The following OR5M1 variants were observed in gnomAD, a reference collection of about 807,000 sequenced individuals.
OR5M1 encodes olfactory receptor 5M1.
For synonymous variants in OR5M1, 165 were observed against 144.2 expected, an observed-to-expected ratio of 1.14 and a Z score of -1.04; for missense variants, 367 against 379.5, an observed-to-expected ratio of 0.97 and a Z score of 0.27.
At chr11:56,614,166 C>T (rs1565024419) in intron 1 of OR5M1, among the ~76,000 whole-genome samples, 1 of 152,148 alleles carries the variant, frequency 6.6e-6, no homozygotes, top group Non-Finnish European at 1.5e-5. Flanking sequence ...CTCATGTATA[C>T]TGTATAGCTT....
chr11:56,614,816 C>CACACACAA (rs1434017072), intron 1 of OR5M1, 41 bp downstream of exon 1: 1 of 145,406 alleles, frequency 6.9e-6, no homozygotes, highest in Non-Finnish European at 1.5e-5. Context: ...CACACACACA[C>CACACACAA]AAATTGTATT....
Position 56,612,924 on chromosome 11 carries a change from A to T in OR5M1, c.579T>A (p.Arg193=). The T allele has an allele frequency of 6.2e-7, 1 of 1,613,746 alleles. No individual in the cohort carries two copies. The highest frequency in any genetic ancestry group is 8.5e-7 in the Non-Finnish European group (1 of 1,179,750). Residue 193 remains arginine, a synonymous_variant, in exon 2 of 2, where the codon CGT becomes CGA. Coordinates refer to ENST00000641076, the MANE Select transcript of OR5M1 (RefSeq NM_001004740.2). ...PLIMLACSDT[R]VKKMAMFVVA... Reference sequence around the variant, plus strand: ...CTACAAACATTGCCATCTTTTTGACACGGGTGTCAGAGCAGGCCAGCATGA... The same window carrying T: ...CTACAAACATTGCCATCTTTTTGACTCGGGTGTCAGAGCAGGCCAGCATGA...
At position 56,612,633 on chromosome 11, in the gene OR5M1, A is replaced by G; in HGVS notation, c.870T>C (p.Tyr290=). ...GGATTACATCTGTGTTCCGTAGGCT[A>G]TAGATCAATGGGTTCAGCATTGGGC... ...FLSPMLNPLI[Y]SLRNTDVILA... Residue 290 remains tyrosine (Y), a synonymous_variant, in exon 2 of 2, where the codon TAT becomes TAC. Transcript: ENST00000641076. The G allele has an allele frequency of 6.2e-7, 1 of 1,613,580 alleles. No individual in the cohort carries two copies. The highest frequency in any genetic ancestry group is 8.5e-7 in the Non-Finnish European group (1 of 1,179,660).
intron 1 of OR5M1, 129 bp from the exon 2 acceptor site, chr11:56,613,648 C>T (rs915154645): frequency 1.5e-5 from 11 of 743,356 alleles, no homozygotes; most frequent in African/African-American, 5.4e-5. Flanking sequence ...ATAATCACAT[C>T]GGAAATTTTA....
Position 56,612,864 on chromosome 11 carries a change from G to C in OR5M1, c.639C>G (p.Ile213Met). The C allele has an allele frequency of 6.2e-7, 1 of 1,613,758 alleles. No individual in the cohort carries two copies. ...AAATGAAAAGATAGGACAGAAGAAT[G>C]ATGAAGAGAGAGCTTGAGAGATTAA... ...AGFNLSSSLF[I>M]ILLSYLFIFA... The change falls in exon 2 of 2, where the codon ATC becomes ATG. Residue 213 changes from isoleucine to methionine, a missense_variant. Coordinates refer to ENST00000641076, the MANE Select transcript of OR5M1 (RefSeq NM_001004740.2).
In OR5M1 at chr11:56,612,883, A is replaced by G; in HGVS notation, c.620T>C (p.Leu207Pro). The change falls in exon 2 of 2, where the codon CTC becomes CCC. Residue 207 changes from leucine (L) to proline (P), a missense_variant. Transcript: ENST00000641076. ...AAGAATGATGAAGAGAGAGCTTGAGAGATTAAAGCCTGCAACTACAAACAT... is the reference window on the plus strand; with the variant it reads ...AAGAATGATGAAGAGAGAGCTTGAGGGATTAAAGCCTGCAACTACAAACAT... ...MAMFVVAGFN[L>P]SSSLFIILLS... 1 of 1,613,758 alleles carries G rather than the reference A, an allele frequency of 6.2e-7. No homozygotes were observed. Among genetic ancestry groups the G allele is most frequent in the Non-Finnish European group, 8.5e-7 (1 of 1,179,740 alleles).
At position 56,612,088 on chromosome 11, in the gene OR5M1, A is replaced by G. The variant is rs1853686197; in HGVS notation, c.*467T>C. 6.6e-6 allele frequency: 1 copy of G among 152,432 alleles called. No homozygotes were observed. The highest frequency in any genetic ancestry group is 1.5e-5 in the Non-Finnish European group (1 of 68,254). The allele number at this position is 152,432 out of a possible 1,614,324, so 9.4% of individuals were successfully genotyped here. A position where few individuals can be genotyped will look rare whatever the true frequency, so the allele number is the denominator to read the frequency against. On this transcript the variant is annotated 3_prime_UTR_variant, in exon 2 of 2. Transcript: ENST00000641076. ...TATTTATATTTTTTGCACATTGATT[A>G]CAATAAGCACAAAGGTAGCTGAGCT...
Position 56,610,452 on chromosome 11 carries a change from G to A in OR5M1, c.*2103C>T, listed in dbSNP as rs1371838564. On this transcript the variant is annotated 3_prime_UTR_variant, in exon 2 of 2. Coordinates refer to ENST00000641076, the MANE Select transcript of OR5M1 (RefSeq NM_001004740.2). ...CCACCAAGCATTTGCAGTGTTTTGA[G>A]AATTTCTTTAATAACAACTACAGTA... 6.6e-6 allele frequency: 1 copy of A among 151,956 alleles called. No homozygotes were observed. Among genetic ancestry groups the A allele is most frequent in the African/African-American group, 2.4e-5 (1 of 41,402 alleles). 9.4% of individuals were successfully genotyped at this position (151,956 alleles called of 1,614,324 possible). A position where few individuals can be genotyped will look rare whatever the true frequency, so the allele number is the denominator to read the frequency against.
chr11:56,612,732 G>T lies in OR5M1; in HGVS notation c.771C>A (p.Cys257Ter). 2 of 1,613,754 alleles carry T rather than the reference G, an allele frequency of 1.2e-6. No homozygotes were observed. The highest frequency in any genetic ancestry group is 1.7e-6 in the Non-Finnish European group (2 of 1,179,762). Residue 257 changes from cysteine (C) to a stop codon, truncating the protein, a stop_gained, in exon 2 of 2, where the codon TGC becomes TGA. Transcript: ENST00000641076. LOFTEE classifies it low-confidence loss of function (END_TRUNC). ...IVTLFYGTLF[C>*]MYVRPPSEKS... Reference sequence around the variant, plus strand: ...TCTCTGATGGAGGCCTTACGTACATGCAGAAGAGGGTTCCATAAAACAAAG... The same window carrying T: ...TCTCTGATGGAGGCCTTACGTACATTCAGAAGAGGGTTCCATAAAACAAAG...
Position 56,613,460 on chromosome 11 carries a change from A to C in OR5M1, c.43T>G (p.Leu15Val), listed in dbSNP as rs1565024156. The C allele has an allele frequency of 2.1e-5, 34 of 1,613,658 alleles. No individual in the cohort carries two copies. The highest frequency in any genetic ancestry group is 2.9e-5 in the Non-Finnish European group (34 of 1,179,642). The part of the protein sequence containing the change: ...NHTIVTEFIL[L>V]GLTDDPVLEK... ...AGCACTGGGTCGTCTGTCAGTCCCA[A>C]GAGAATGAATTCTGTCACTATGGTG... The change falls in exon 2 of 2, where the codon TTG (leucine) becomes GTG (valine). Residue 15 changes from leucine (L) to valine (V), a missense_variant. Transcript: ENST00000641076.
Position 56,613,377 on chromosome 11 carries a change from G to C in OR5M1, c.126C>G (p.Asn42Lys). Residue 42 changes from asparagine (N) to lysine (K), a missense_variant, in exon 2 of 2, where the codon AAC becomes AAG. Coordinates refer to ENST00000641076, the MANE Select transcript of OR5M1 (RefSeq NM_001004740.2). ...TCCTGATCAGCAGGATCATGCACAG[G>C]TTGCCTGCCAGTGTGATTAGGTAGA... ...LAIYLITLAG[N>K]LCMILLIRTN... 1 of 1,613,700 alleles carries C rather than the reference G, an allele frequency of 6.2e-7. No homozygotes were observed. Among genetic ancestry groups the C allele is most frequent in the Non-Finnish European group, 8.5e-7 (1 of 1,179,650 alleles).
intron 1 of OR5M1, 91 bp from the exon 2 acceptor site, chr11:56,613,610 C>T: frequency 1.0e-6 from 1 of 1,003,350 alleles, no homozygotes; most frequent in East Asian, 2.5e-5. Context: ...ATCTATTTAT[C>T]TAGGTGACAA....
At position 56,613,408 on chromosome 11, in the gene OR5M1, A is replaced by G; in HGVS notation, c.95T>C (p.Leu32Pro). ...TGCCAGTGTGATTAGGTAGATCGCA[A>G]GGAATACCCCAAACAGGATCTTCTC... ...VLEKILFGVF[L>P]AIYLITLAGN... Residue 32 changes from leucine (L) to proline (P), a missense_variant, in exon 2 of 2, where the codon CTT becomes CCT. Coordinates refer to ENST00000641076, the MANE Select transcript of OR5M1 (RefSeq NM_001004740.2). 2 of 1,613,696 alleles carry G rather than the reference A, an allele frequency of 1.2e-6. No individual in the cohort carries two copies. The highest frequency in any genetic ancestry group is 1.7e-6 in the Non-Finnish European group (2 of 1,179,662).
At position 56,613,123 on chromosome 11, in the gene OR5M1, C is replaced by T. The variant is rs1853701878; in HGVS notation, c.380G>A (p.Cys127Tyr). The change falls in exon 2 of 2, where the codon TGC becomes TAC. Residue 127 changes from cysteine to tyrosine, a missense_variant. Transcript: ENST00000641076. The part of the protein sequence containing the change: ...SMALDRYVAI[C>Y]SPLHYSSRMS... ...CCTGGAACTGTAATGCAAAGGGCTG[C>T]AAATGGCTACATAGCGATCCAATGC... is the stretch of plus-strand genomic sequence containing the variant. 6.2e-7 allele frequency: 1 copy of T among 1,613,712 alleles called. No individual in the cohort carries two copies. Among genetic ancestry groups the T allele is most frequent in the African/African-American group, 1.3e-5 (1 of 74,892 alleles).
At position 56,613,648 on chromosome 11, in the gene OR5M1, C is replaced by A. The variant is rs915154645; in HGVS notation, c.-17-129G>T. On this transcript the variant is annotated intron_variant, in intron 1 of 1. Transcript: ENST00000641076. The stretch of plus-strand genomic sequence containing the variant: ...ACTTCTCTTGTTTCAATAATCACAT[C>A]GGAAATTTTACATAACATTGTCTCC... 1.1e-5 allele frequency: 8 copies of A among 743,356 alleles called. No individual in the cohort carries two copies. In the South Asian group the frequency reaches 1.5e-4, roughly 14 times the overall value. 46.0% of individuals were successfully genotyped at this position (743,356 alleles called of 1,614,324 possible). A position where few individuals can be genotyped will look rare whatever the true frequency, so the allele number is the denominator to read the frequency against.
rs777502328 is a variant in OR5M1, at chr11:56,613,190, T to C, written c.313A>G (p.Ile105Val). 6.2e-7 allele frequency: 1 copy of C among 1,613,720 alleles called. No homozygotes were observed. The highest frequency in any genetic ancestry group is 8.5e-7 in the Non-Finnish European group (1 of 1,179,800). ...AGCFTQCLLF[I>V]ALVITEFYIL... Reference sequence around the variant, plus strand: ...TAAAACTCAGTGATCACCAGGGCGATGAAGAGAAGACACTGTGTGAAGCAT... The same window carrying C: ...TAAAACTCAGTGATCACCAGGGCGACGAAGAGAAGACACTGTGTGAAGCAT... Residue 105 changes from isoleucine to valine, a missense_variant, in exon 2 of 2, where the codon ATC (isoleucine) becomes GTC (valine). Coordinates refer to ENST00000641076, the MANE Select transcript of OR5M1 (RefSeq NM_001004740.2).
At position 56,610,567 on chromosome 11, in the gene OR5M1, T is replaced by A. The variant is rs1853663957; in HGVS notation, c.*1988A>T. 2 of 152,072 alleles carry A rather than the reference T, an allele frequency of 1.3e-5. No individual in the cohort carries two copies. The highest frequency in any genetic ancestry group is 2.9e-5 in the Non-Finnish European group (2 of 67,992). 9.4% of individuals were successfully genotyped at this position (152,072 alleles called of 1,614,324 possible). ...GACTTTGGGCAAGAAATTTAATCTC[T>A]CCGTGCCTCAGGCTCCAATGTTGTA... On this transcript the variant is annotated 3_prime_UTR_variant, in exon 2 of 2. Transcript: ENST00000641076.
At chr11:56,613,647 T>C in intron 1 of OR5M1, 128 bp from the exon 2 acceptor site, 1 of 744,844 alleles carries the variant, frequency 1.3e-6, no homozygotes, top group South Asian at 1.9e-5. Context: ...AATAATCACA[T>C]CGGAAATTTT....
rs760981050 is a variant in OR5M1, at chr11:56,613,015, G to T, written c.488C>A (p.Thr163Asn). 1 of 1,613,846 alleles carries T rather than the reference G, an allele frequency of 6.2e-7. No individual in the cohort carries two copies. The highest frequency in any genetic ancestry group is 1.7e-5 in the Admixed American group (1 of 59,974). Residue 163 changes from threonine to asparagine, a missense_variant, in exon 2 of 2, where the codon ACC becomes AAC. By Grantham distance (65) the Thr-to-Asn change is moderately conservative. Coordinates refer to ENST00000641076, the MANE Select transcript of OR5M1 (RefSeq NM_001004740.2). Reference protein sequence around the residue: ...FLSGFSQSLLTFHLSFCGSLE... With the variant: ...FLSGFSQSLLNFHLSFCGSLE... ...GGAGCCACAGAAGGATAAGTGAAAG[G>T]TTAGCAGTGACTGAGAGAACCCACT...
Sources: allele counts gnomAD v4.1 joint callset (sites outside exome capture counted in the v4.1 genomes callset), GRCh38; gene constraint gnomAD v4.1.1; transcripts MANE v1.5; gene names NCBI Gene and HGNC (gene_info 2026-07-23, HGNC 2026-07-21).